PTPN2: variants seen among roughly 807,000 people sequenced by gnomAD.
PTPN2 encodes protein tyrosine phosphatase non-receptor type 2, also known as tyrosine-protein phosphatase non-receptor type 2.
Under a neutral mutation model 57.3 loss-of-function variants are expected in PTPN2, and 19 were observed. That is an observed-to-expected ratio of 0.33 (90% confidence interval 0.23 to 0.49). PTPN2 has a LOEUF of 0.49. Ranked by LOEUF, PTPN2 falls within the 20% of genes least tolerant of loss-of-function variation. PTPN2 has a pLI of 0.99. For missense variants in PTPN2, 358 were observed against 501.1 expected (o/e 0.71, Z 2.73); for synonymous variants, 153 against 164.9 (o/e 0.93, Z 0.55).
intron 2 of PTPN2, among the ~76,000 whole-genome samples, chr18:12,841,187 G>T (rs2043032480): frequency 6.6e-6 from 1 of 152,176 alleles, no homozygotes; most frequent in African/African-American, 2.4e-5. Context: ...GGAAATTCCA[G>T]CAGAGGGCAC....
intron 6 of PTPN2, 34 bp downstream of exon 6, chr18:12,817,122 A>T: frequency 6.4e-7 from 1 of 1,572,726 alleles, no homozygotes; most frequent in Non-Finnish European, 8.7e-7. Flanking sequence ...AAAAAAATCA[A>T]TGAGATTAAA....
chr18:12,881,508 T>A (rs998986305), intron 1 of PTPN2, among the ~76,000 whole-genome samples: 1 of 152,016 alleles, frequency 6.6e-6, no homozygotes, highest in Non-Finnish European at 1.5e-5. Flanking sequence ...ATTAAACAGC[T>A]CAAATTCCTT....
intron 8 of PTPN2, among the ~76,000 whole-genome samples, chr18:12,796,614 G>A (rs2041199943): frequency 1.3e-5 from 2 of 152,184 alleles, no homozygotes. Context: ...ATATGACCTA[G>A]CAATTCCACT....
rs983406748 is a variant in PTPN2, at chr18:12,815,640, A to T, written c.706-1285T>A. On this transcript the variant is annotated intron_variant, in intron 6 of 8. Transcript: ENST00000309660. Reference sequence around the variant, plus strand: ...GTGTCATTAACAAAATAATCACCAGAGTTTTAAAACTTTGATGTAACAATC... The same window carrying T: ...GTGTCATTAACAAAATAATCACCAGTGTTTTAAAACTTTGATGTAACAATC... Among the ~76,000 whole-genome samples the T allele has an allele frequency of 2.4e-4, 37 of 152,182 alleles. 1 individual carries two copies. The highest frequency in any genetic ancestry group is 1.3e-4 in the Admixed American group (2 of 15,278).
rs79176701 is a variant in PTPN2, at chr18:12,796,521, G to A, written c.1041-2036C>T. Among the ~76,000 whole-genome samples the A allele has an allele frequency of 5.9e-5, 9 of 152,296 alleles. No homozygotes were observed. The South Asian group carries it at 1.7e-3, about 28-fold the overall frequency. ...GTACTGGAACCTTCTCTCCCCAAGA[G>A]ATTGTTAGTGGGAATGTAAAATGGT... On this transcript the variant is annotated intron_variant, in intron 8 of 8. Coordinates refer to ENST00000309660, the MANE Select transcript of PTPN2 (RefSeq NM_002828.4).
chr18:12,856,128 C>T (rs902313496), intron 2 of PTPN2, among the ~76,000 whole-genome samples: 1 of 152,116 alleles, frequency 6.6e-6, no homozygotes, highest in Non-Finnish European at 1.5e-5. Context: ...CGCAATGAGC[C>T]GTAGTTCTTT....
At chr18:12,807,531 A>T (rs2041701854) in intron 7 of PTPN2, among the ~76,000 whole-genome samples, 1 of 142,086 alleles carries the variant, frequency 7.0e-6, no homozygotes, top group South Asian at 2.4e-4. Flanking sequence ...AATCAACCTA[A>T]ATGTCCATCA....
At chr18:12,843,090 A>T (rs1461138034) in intron 2 of PTPN2, among the ~76,000 whole-genome samples, 2 of 152,152 alleles carry the variant, frequency 1.3e-5, no homozygotes, top group Admixed American at 6.5e-5. Context: ...AGTTTGAGGG[A>T]TCTAAAGATG....
intron 1 of PTPN2, among the ~76,000 whole-genome samples, chr18:12,865,425 ACT>A (rs1388769180): frequency 6.7e-6 from 1 of 148,704 alleles, no homozygotes; most frequent in Non-Finnish European, 1.5e-5. Flanking sequence ...ACAGAGCAAG[ACT>A]CTGTCTTTAT....
chr18:12,805,879 C>T (rs1024175292), intron 7 of PTPN2, among the ~76,000 whole-genome samples: 11 of 152,106 alleles, frequency 7.2e-5, no homozygotes, highest in African/African-American at 2.7e-4. Flanking sequence ...CTGCCCATCT[C>T]AGCCCCCCAA....
chr18:12,880,690 T>C (rs929651402), intron 1 of PTPN2: 15 of 152,288 alleles, frequency 9.8e-5, no homozygotes, highest in African/African-American at 3.4e-4. Flanking sequence ...CAGTCTTTTT[T>C]GCAAGTTCCT....
intron 2 of PTPN2, chr18:12,840,572 T>C (rs148692926): frequency 3.9e-5 from 37 of 951,140 alleles, no homozygotes; most frequent in Middle Eastern, 5.3e-4. Context: ...GGGTCACCTC[T>C]CTCAGTCCTC....
chr18:12,857,801 C>T lies in PTPN2; in HGVS notation c.160+1363G>A, dbSNP rs892754464. ...TGCTGCAACTGAAGAAAATGGAAAA[C>T]CACTCTTCTAGCTACTTGTCTTTAA... On this transcript the variant is annotated intron_variant, in intron 2 of 8. Coordinates refer to ENST00000309660, the MANE Select transcript of PTPN2 (RefSeq NM_002828.4). Among the ~76,000 whole-genome samples the T allele has an allele frequency of 3.9e-5, 6 of 152,168 alleles. No homozygotes were observed. In the East Asian group the frequency reaches 1.2e-3, roughly 29 times the overall value.
chr18:12,868,019 A>T (rs551755432), intron 1 of PTPN2, among the ~76,000 whole-genome samples: 1 of 152,196 alleles, frequency 6.6e-6, no homozygotes, highest in South Asian at 2.1e-4. Flanking sequence ...CTTAACCCAC[A>T]CCTGTGTGGC....
chr18:12,836,285 C>G (rs912793910), intron 3 of PTPN2, among the ~76,000 whole-genome samples: 2 of 152,212 alleles, frequency 1.3e-5, no homozygotes, highest in Non-Finnish European at 2.9e-5. Flanking sequence ...GGCAGAAGGC[C>G]ACAGGGAGCA....
At chr18:12,859,675 A>G (rs2043722069) in intron 1 of PTPN2, among the ~76,000 whole-genome samples, 1 of 152,200 alleles carries the variant, frequency 6.6e-6, no homozygotes, top group Admixed American at 6.5e-5. Flanking sequence ...TCATATTCAA[A>G]TTCTGACTAA....
At chr18:12,828,123 A>C (rs1241628438) in intron 4 of PTPN2, among the ~76,000 whole-genome samples, 1 of 152,228 alleles carries the variant, frequency 6.6e-6, no homozygotes, top group Non-Finnish European at 1.5e-5. Flanking sequence ...TGGAAAAAAA[A>C]AGTTGTTCAA....
chr18:12,794,440 A>AGCTGTGGT lies in PTPN2; in HGVS notation c.1078_1085dup (p.Gln363ProfsTer9). On this transcript the variant is annotated frameshift_variant, in exon 9 of 9. Coordinates refer to ENST00000309660, the MANE Select transcript of PTPN2 (RefSeq NM_002828.4). LOFTEE classifies it high-confidence loss of function. The stretch of plus-strand genomic sequence containing the variant: ...TCTGTTTCATCTGCTGCACCTTCTG[A>AGCTGTGGT]GCTGTGGTGGCCTTTCTGTCCTCTC... 6.2e-7 allele frequency: 1 copy of AGCTGTGGT among 1,613,988 alleles called. No homozygotes were observed. Among genetic ancestry groups the AGCTGTGGT allele is most frequent in the Non-Finnish European group, 8.5e-7 (1 of 1,180,024 alleles).
chr18:12,865,062 G>A (rs1164641789), intron 1 of PTPN2, among the ~76,000 whole-genome samples: 1 of 152,126 alleles, frequency 6.6e-6, no homozygotes, highest in East Asian at 1.9e-4. Context: ...ATTGCAACAA[G>A]CCTTTCAAGA....
Sources: allele counts gnomAD v4.1 joint callset (sites outside exome capture counted in the v4.1 genomes callset), GRCh38; gene constraint gnomAD v4.1.1; transcripts MANE v1.5; gene names NCBI Gene and HGNC (gene_info 2026-07-23, HGNC 2026-07-21).